The following LCORL variants were observed in gnomAD, a reference collection of about 807,000 sequenced individuals.
The protein encoded by LCORL is ligand-dependent nuclear receptor corepressor-like protein.
Under a neutral mutation model 141.8 loss-of-function variants are expected in LCORL, and 41 were observed. The observed-to-expected ratio is 0.29, with a 90% CI of 0.23 to 0.38. LCORL has a LOEUF of 0.38. Among genes scored for constraint, LCORL ranks in the 10% least tolerant of loss-of-function variants. The pLI is 1.00. For missense variants in LCORL, 1,759 were observed against 2,035.0 expected, an observed-to-expected ratio of 0.86 and a Z score of 2.61; for synonymous variants, 618 against 694.1, an observed-to-expected ratio of 0.89 and a Z score of 1.72.
At chr4:17,894,357 G>A (rs1053326624) in intron 5 of LCORL, among the ~76,000 whole-genome samples, 1 of 152,144 alleles carries the variant, frequency 6.6e-6, no homozygotes, top group African/African-American at 2.4e-5. Context: ...AATAAAGCAA[G>A]TAACTCAAAC....
exon 7 of LCORL, chr4:17,877,888 A>G: frequency 8.1e-7 from 1 of 1,230,708 alleles, no homozygotes; most frequent in Middle Eastern, 3.1e-4. Flanking sequence ...AAACAATGTA[A>G]ATCTTTAATA....
In LCORL at chr4:18,021,174, C is replaced by G. The variant is rs367942401; in HGVS notation, c.154+424G>C. 1.3e-5 allele frequency among the ~76,000 whole-genome samples: 2 copies of G among 151,982 alleles called. No homozygotes were observed. Among genetic ancestry groups the G allele is most frequent in the East Asian group, 3.9e-4 (2 of 5,150 alleles). ...GTGTGCGCTCGGCGGGGGCGCGGAC[C>G]AGCCCGCCTTCCTCCGGCCGCCCTG... is the stretch of plus-strand genomic sequence containing the variant. On this transcript the variant is annotated intron_variant, in intron 1 of 7. Transcript: ENST00000635767. The surrounding 1 kb of genome is among the most constrained non-coding windows in gnomAD (Gnocchi z 5.5).
chr4:17,964,842 A>G (rs1016903111), intron 2 of LCORL, among the ~76,000 whole-genome samples: 2 of 150,216 alleles, frequency 1.3e-5, no homozygotes, highest in African/African-American at 5.0e-5. Flanking sequence ...CATAATTCTG[A>G]TAGGTCAAGG....
At chr4:17,865,534 A>G (rs1301660940) in intron 7 of LCORL, among the ~76,000 whole-genome samples, 1 of 152,200 alleles carries the variant, frequency 6.6e-6, no homozygotes, top group Non-Finnish European at 1.5e-5. Flanking sequence ...AAAAAATCAC[A>G]AGAGAAATTA....
At chr4:18,012,485 T>A (rs1723961068) in intron 1 of LCORL, among the ~76,000 whole-genome samples, 1 of 152,220 alleles carries the variant, frequency 6.6e-6, no homozygotes, top group Admixed American at 6.5e-5. Flanking sequence ...CAAAGTCTAT[T>A]TCTAGTTCAG....
intron 4 of LCORL, among the ~76,000 whole-genome samples, chr4:17,945,337 G>A (rs1040250510): frequency 2.0e-5 from 3 of 151,078 alleles, no homozygotes; most frequent in Non-Finnish European, 4.4e-5. Context: ...CTCATGACAC[G>A]ACAGAACTTC....
chr4:17,875,386 T>C (rs1239528433), exon 7 of LCORL: 20 of 1,231,256 alleles, frequency 1.6e-5, no homozygotes, highest in Non-Finnish European at 1.9e-5. Flanking sequence ...GTAGTCAAGC[T>C]TGCTACAGCA....
intron 1 of LCORL, among the ~76,000 whole-genome samples, chr4:17,992,571 A>G (rs1720208586): frequency 6.6e-6 from 1 of 152,176 alleles, no homozygotes; most frequent in South Asian, 2.1e-4. Context: ...AAATTTACCT[A>G]TTTATCTTTG....
chr4:17,845,562 A>AAAACATAT (rs1423520555), exon 8 of LCORL: 3 of 480,484 alleles, frequency 6.2e-6, no homozygotes, highest in African/African-American at 3.9e-5. Flanking sequence ...AACATGTAAA[A>AAAACATAT]AAAACATATA....
chr4:17,877,592 A>G (rs1727055400), exon 7 of LCORL: 4 of 1,230,420 alleles, frequency 3.3e-6, no homozygotes, highest in Non-Finnish European at 4.1e-6. Flanking sequence ...CAAGTTTGTT[A>G]TTTTCTAAGG....
At chr4:18,012,511 A>C (rs1263980952) in intron 1 of LCORL, among the ~76,000 whole-genome samples, 1 of 152,250 alleles carries the variant, frequency 6.6e-6, no homozygotes, top group African/African-American at 2.4e-5. Context: ...AGTAAAGAAG[A>C]AACATAAAAT....
Position 18,021,261 on chromosome 4 carries a change from G to T in LCORL, c.154+337C>A, listed in dbSNP as rs1311217841. ...GGGCCGCTTCCTCCGTCCTGTCAGG[G>T]TGGACGGCGGGCGACGGCGGGCAGC... is the stretch of plus-strand genomic sequence containing the variant. On this transcript the variant is annotated intron_variant, in intron 1 of 7. Transcript: ENST00000635767. The surrounding 1 kb of genome is among the most constrained non-coding windows in gnomAD (Gnocchi z 5.5). Among the ~76,000 whole-genome samples, 2 of 152,140 alleles carry T rather than the reference G, an allele frequency of 1.3e-5. No individual in the cohort carries two copies. The highest frequency in any genetic ancestry group is 2.9e-5 in the Non-Finnish European group (2 of 68,006).
At chr4:18,020,919 G>C (rs889993504) in intron 1 of LCORL, among the ~76,000 whole-genome samples, 3 of 152,198 alleles carry the variant, frequency 2.0e-5, no homozygotes, top group Non-Finnish European at 4.4e-5. Context: ...AATCCCAACC[G>C]TCAGCGCTCA....
At chr4:17,889,992 A>G (rs1432942273) in intron 5 of LCORL, among the ~76,000 whole-genome samples, 1 of 152,052 alleles carries the variant, frequency 6.6e-6, no homozygotes, top group Non-Finnish European at 1.5e-5. Context: ...CAAACTAAGT[A>G]AGGTGGAGGG....
At chr4:17,976,150 T>G (rs1164135853) in intron 1 of LCORL, among the ~76,000 whole-genome samples, 2 of 152,194 alleles carry the variant, frequency 1.3e-5, no homozygotes, top group Non-Finnish European at 2.9e-5. Context: ...AACCTGTCTT[T>G]ATATTCAAAT....
In LCORL at chr4:17,993,589, A is replaced by T. The variant is rs115607782; in HGVS notation, c.155-20704T>A. On this transcript the variant is annotated intron_variant, in intron 1 of 7. Transcript: ENST00000635767. ...TGTGATATGAAAGGAGGACAATATA[A>T]AAGGCTGAAGATGTGTGCAACACAG... Among the ~76,000 whole-genome samples the T allele has an allele frequency of 5.2e-3, 793 of 152,346 alleles. 6 individuals are homozygous for T. The highest frequency in any genetic ancestry group is 0.018 in the African/African-American group (737 of 41,572).
intron 4 of LCORL, among the ~76,000 whole-genome samples, chr4:17,926,053 G>A (rs924720833): frequency 6.6e-6 from 1 of 152,094 alleles, no homozygotes; most frequent in Non-Finnish European, 1.5e-5. Flanking sequence ...TTGGGGACTG[G>A]TGCACTGTAT....
At chr4:17,997,347 G>A (rs906192592) in intron 1 of LCORL, among the ~76,000 whole-genome samples, 1 of 152,140 alleles carries the variant, frequency 6.6e-6, no homozygotes, top group Non-Finnish European at 1.5e-5. Flanking sequence ...GGAGGGTTGG[G>A]GAGGAGGGCT....
intron 7 of LCORL, among the ~76,000 whole-genome samples, chr4:17,868,660 C>T (rs1725961302): frequency 6.6e-6 from 1 of 152,104 alleles, no homozygotes; most frequent in Admixed American, 6.6e-5. Flanking sequence ...TTCCCATCCT[C>T]CACCCCCTGG....
Sources: allele counts gnomAD v4.1 joint callset (sites outside exome capture counted in the v4.1 genomes callset), GRCh38; gene constraint gnomAD v4.1.1; non-coding constraint Gnocchi (gnomAD v3.1); transcripts MANE v1.5; gene names NCBI Gene and HGNC (gene_info 2026-07-23, HGNC 2026-07-21).